The following SNX27 variants were observed in gnomAD, a reference collection of about 807,000 sequenced individuals.
The protein encoded by SNX27 is sorting nexin-27.
Under a neutral mutation model 71.6 loss-of-function variants are expected in SNX27, and 22 were observed. The ratio of observed to expected loss-of-function variants is 0.31; its 90% confidence interval spans 0.22 to 0.44. SNX27 has a LOEUF of 0.44. Ranked by LOEUF, SNX27 falls within the 20% of genes least tolerant of loss-of-function variation. The pLI is 1.00. For missense variants in SNX27, 531 were observed against 698.6 expected (o/e 0.76, Z 2.70); for synonymous variants, 269 against 277.2 (o/e 0.97, Z 0.29).
intron 2 of SNX27, among the ~76,000 whole-genome samples, chr1:151,652,020 C>T (rs1008603858): frequency 5.3e-5 from 8 of 152,278 alleles, no homozygotes; most frequent in South Asian, 4.1e-4. Context: ...GCCAACACAG[C>T]GAAACCCCGT....
intron 8 of SNX27, among the ~76,000 whole-genome samples, chr1:151,690,598 C>A (rs567463149): frequency 2.6e-5 from 4 of 151,744 alleles, no homozygotes; most frequent in African/African-American, 9.7e-5. Context: ...CTACAGGTGC[C>A]CGGCAAATTT....
intron 1 of SNX27, among the ~76,000 whole-genome samples, chr1:151,632,881 A>AT (rs538616665): frequency 0.018 from 2,655 of 150,906 alleles, 36 homozygotes; most frequent in Non-Finnish European, 0.029. Flanking sequence ...TTTATTTTTT[A>AT]TTTTTTTTGA....
chr1:151,666,539 C>G (rs1670196054), intron 6 of SNX27: 1 of 152,182 alleles, frequency 6.6e-6, no homozygotes, highest in Admixed American at 6.6e-5. Flanking sequence ...GGATGGTGGT[C>G]ACATTGGTTG....
At position 151,648,658 on chromosome 1, in the gene SNX27, A is replaced by G. The variant is rs533313634; in HGVS notation, c.543+9539A>G. Among the ~76,000 whole-genome samples the G allele has an allele frequency of 2.8e-3, 425 of 152,140 alleles. 1 individual carries two copies. The highest frequency in any genetic ancestry group is 9.5e-3 in the African/African-American group (395 of 41,512). On this transcript the variant is annotated intron_variant, in intron 2 of 11. Coordinates refer to ENST00000458013, the MANE Select transcript of SNX27 (RefSeq NM_001330723.2). Reference sequence around the variant, plus strand: ...GGTCATGAACTCCTGACCTCAGGTGATCTGCCCACCTTGGCCTCCCAAAGT... The same window carrying G: ...GGTCATGAACTCCTGACCTCAGGTGGTCTGCCCACCTTGGCCTCCCAAAGT...
chr1:151,681,235 CTTTTTT>C lies in SNX27; in HGVS notation c.1150-2102_1150-2097del, dbSNP rs762924986. ...CTAGAAGTTGAATTAGTCTCTCAAT[CTTTTTT>C]TTTTTTTTTTTTTTTTTTGCGATGG... On this transcript the variant is annotated intron_variant, in intron 7 of 11. Coordinates refer to ENST00000458013, the MANE Select transcript of SNX27 (RefSeq NM_001330723.2). Among the ~76,000 whole-genome samples, 82 of 60,704 alleles carry C rather than the reference CTTTTTT, an allele frequency of 1.4e-3. 4 individuals carry two copies. Among genetic ancestry groups the C allele is most frequent in the African/African-American group, 3.9e-3 (61 of 15,722 alleles). The allele number at this position is 60,704 out of a possible 152,430, so 39.8% of individuals were successfully genotyped here.
chr1:151,692,432 T>TTTTTTTA lies in SNX27; in HGVS notation c.1240-3_1240-2insTTTTTTA. On this transcript the variant is annotated splice_polypyrimidine_tract_variant and splice_region_variant and intron_variant, in intron 8 of 11. Transcript: ENST00000458013. ...TTTTTTTTTTTTTTTTTTTTTTTTTTAGTACCTCAACATGCTAAGGACTTG... is the reference window on the plus strand; with the variant it reads ...TTTTTTTTTTTTTTTTTTTTTTTTTTTTTTTTAAGTACCTCAACATGCTAAGGACTTG... 10 of 1,452,028 alleles carry TTTTTTTA rather than the reference T, an allele frequency of 6.9e-6. No homozygotes were observed. Among genetic ancestry groups the TTTTTTTA allele is most frequent in the Non-Finnish European group, 6.4e-6 (7 of 1,101,890 alleles). 89.9% of individuals were successfully genotyped at this position (1,452,028 alleles called of 1,614,324 possible). A position where few individuals can be genotyped will look rare whatever the true frequency, so the allele number is the denominator to read the frequency against.
chr1:151,639,328 G>A (rs1321148392), intron 2 of SNX27, among the ~76,000 whole-genome samples: 1 of 150,174 alleles, frequency 6.7e-6, no homozygotes, highest in Non-Finnish European at 1.5e-5. Flanking sequence ...TACTCAGCTT[G>A]AGTATAATTC....
chr1:151,617,111 C>G (rs1320901908), intron 1 of SNX27, among the ~76,000 whole-genome samples: 4 of 152,174 alleles, frequency 2.6e-5, no homozygotes, highest in African/African-American at 7.2e-5. Context: ...TAAATACTAA[C>G]TGTTCTATCT....
chr1:151,651,117 C>G (rs1431421626), intron 2 of SNX27, among the ~76,000 whole-genome samples: 1 of 151,934 alleles, frequency 6.6e-6, no homozygotes, highest in Non-Finnish European at 1.5e-5. Context: ...AGCTGTTGGG[C>G]ACACCTCCCA....
chr1:151,632,440 G>A (rs769482988), intron 1 of SNX27, among the ~76,000 whole-genome samples: 3 of 152,184 alleles, frequency 2.0e-5, no homozygotes, highest in Non-Finnish European at 4.4e-5. Flanking sequence ...ACAGGCATGA[G>A]CCACCGCACC....
At chr1:151,651,798 G>A (rs1220940385) in intron 2 of SNX27, among the ~76,000 whole-genome samples, 2 of 151,998 alleles carry the variant, frequency 1.3e-5, no homozygotes, top group African/African-American at 4.8e-5. Flanking sequence ...CCCAGACGGG[G>A]TGGCGGCCGG....
At chr1:151,694,308 G>A in intron 11 of SNX27, 62 bp from the exon 12 acceptor site, 1 of 1,544,398 alleles carries the variant, frequency 6.5e-7, no homozygotes, top group East Asian at 2.5e-5. Flanking sequence ...TCTGTTTGTG[G>A]AGTTGTCTCC....
chr1:151,658,115 A>G (rs1669784073), intron 2 of SNX27, 120 bp from the exon 3 acceptor site: 9 of 841,732 alleles, frequency 1.1e-5, no homozygotes, highest in Non-Finnish European at 1.6e-5. Context: ...GAGCTTGAAT[A>G]TAGTCTTTGT....
intron 8 of SNX27, among the ~76,000 whole-genome samples, chr1:151,683,990 C>T (rs1226400911): frequency 1.3e-5 from 2 of 152,016 alleles, no homozygotes; most frequent in Non-Finnish European, 2.9e-5. Context: ...TTAATAATAA[C>T]TATTTTTTGG....
At chr1:151,633,644 CA>C (rs78389174) in intron 1 of SNX27, among the ~76,000 whole-genome samples, 12,356 of 152,218 alleles carry the variant, frequency 0.081, 630 homozygotes, top group South Asian at 0.13. Flanking sequence ...CTCCAGACAA[CA>C]AGTGATTTGA....
intron 3 of SNX27, chr1:151,660,108 C>A (rs1558059248): frequency 6.6e-6 from 1 of 152,132 alleles, no homozygotes; most frequent in Non-Finnish European, 1.5e-5. Flanking sequence ...TTTTAAAAAT[C>A]AAACGAAGTA....
intron 2 of SNX27, among the ~76,000 whole-genome samples, chr1:151,648,577 G>A (rs1023648359): frequency 3.3e-5 from 5 of 151,930 alleles, no homozygotes; most frequent in African/African-American, 1.2e-4. Flanking sequence ...GAACCACCAC[G>A]CCTGGCTAAT....
chr1:151,668,418 G>C, intron 6 of SNX27, 54 bp from the exon 7 acceptor site: 1 of 1,521,132 alleles, frequency 6.6e-7, no homozygotes, highest in East Asian at 2.3e-5. Context: ...TTTATACTAG[G>C]GAAGTTTCTT....
At chr1:151,633,579 G>C (rs1057369816) in intron 1 of SNX27, among the ~76,000 whole-genome samples, 14 of 152,156 alleles carry the variant, frequency 9.2e-5, no homozygotes, top group Non-Finnish European at 1.5e-4. Flanking sequence ...GATTACAGGC[G>C]TGACACGTAA....
Sources: gnomAD v4.1 joint callset for allele counts (sites outside exome capture counted in the v4.1 genomes callset) on GRCh38, gnomAD v4.1.1 for gene constraint, MANE v1.5 for transcripts, NCBI Gene and HGNC (gene_info 2026-07-23, HGNC 2026-07-21) for gene names.